Variants in TMEM74 observed in about 807,000 individuals in gnomAD.
TMEM74 encodes transmembrane protein 74.
In TMEM74, 13 loss-of-function variants were observed where a neutral mutation model predicts 18.1. The ratio of observed to expected loss-of-function variants is 0.72; its 90% confidence interval spans 0.47 to 1.14. The LOEUF (loss-of-function observed/expected upper bound fraction) is 1.14. Ranked by LOEUF, TMEM74 falls within the 50% of genes most tolerant of loss-of-function variation. The probability of loss-of-function intolerance (pLI) is 0.00; values close to 1 mark genes in which losing one functional copy is unlikely to be tolerated. For synonymous variants in TMEM74, 159 were observed against 146.6 expected (o/e 1.08, Z -0.61); for missense variants, 372 against 375.9 (o/e 0.99, Z 0.09).
At chr8:108,650,820 C>T (rs936062260) in intron 2 of TMEM74, among the ~76,000 whole-genome samples, 1 of 152,152 alleles carries the variant, frequency 6.6e-6, no homozygotes, top group Admixed American at 6.5e-5. Context: ...AAGAGATTCT[C>T]CTGCCTCAGC....
intron 2 of TMEM74, among the ~76,000 whole-genome samples, chr8:108,632,010 C>A (rs1040371354): frequency 6.6e-5 from 10 of 151,982 alleles, no homozygotes; most frequent in Admixed American, 4.6e-4. Flanking sequence ...TTTGTTCCTA[C>A]CCTCATGGGA....
chr8:108,733,909 G>A (rs369647655), intron 1 of TMEM74, among the ~76,000 whole-genome samples: 3 of 152,260 alleles, frequency 2.0e-5, no homozygotes, highest in Admixed American at 1.3e-4. Flanking sequence ...AAGCATCATC[G>A]CATTTGTTCA....
intron 1 of TMEM74, among the ~76,000 whole-genome samples, chr8:108,707,069 G>A (rs28420951): frequency 0.02 from 3,054 of 151,020 alleles, 106 homozygotes; most frequent in African/African-American, 0.069. Context: ...ATCATTCTGA[G>A]CAAACAATCA....
intron 1 of TMEM74, among the ~76,000 whole-genome samples, chr8:108,729,906 A>G (rs1449097109): frequency 1.3e-5 from 2 of 152,244 alleles, no homozygotes; most frequent in Admixed American, 1.3e-4. Flanking sequence ...GTCAGTGAAC[A>G]TTAGTGGACA....
intron 2 of TMEM74, among the ~76,000 whole-genome samples, chr8:108,628,581 T>G (rs1394831504): frequency 6.6e-6 from 1 of 152,064 alleles, no homozygotes; most frequent in East Asian, 1.9e-4. Context: ...TAAATAGTGC[T>G]GCAATAAACA....
chr8:108,725,877 G>A (rs1440220630), intron 1 of TMEM74, among the ~76,000 whole-genome samples: 1 of 152,156 alleles, frequency 6.6e-6, no homozygotes, highest in Non-Finnish European at 1.5e-5. Flanking sequence ...TTACTCAAAG[G>A]ATAATGTAAC....
At chr8:108,665,912 C>T (rs1812944730) in intron 1 of TMEM74, among the ~76,000 whole-genome samples, 1 of 152,080 alleles carries the variant, frequency 6.6e-6, no homozygotes, top group Non-Finnish European at 1.5e-5. Flanking sequence ...ATATGAAAGA[C>T]AGGGGTAATG....
intron 1 of TMEM74, among the ~76,000 whole-genome samples, chr8:108,663,820 G>A: frequency 6.6e-6 from 1 of 152,178 alleles, no homozygotes; most frequent in East Asian, 1.9e-4. Flanking sequence ...GGAGATGGAT[G>A]CAGTTGGAAG....
At chr8:108,763,254 T>C (rs1461406833) in intron 1 of TMEM74, among the ~76,000 whole-genome samples, 2 of 151,904 alleles carry the variant, frequency 1.3e-5, no homozygotes, top group East Asian at 3.9e-4. Flanking sequence ...ATAAAGTAGA[T>C]GTTGTGAGTC....
intron 2 of TMEM74, among the ~76,000 whole-genome samples, chr8:108,624,221 A>T (rs1311977359): frequency 1.3e-5 from 2 of 152,074 alleles, no homozygotes; most frequent in Non-Finnish European, 2.9e-5. Context: ...GAACAACATC[A>T]TAATCTATTC....
At chr8:108,647,276 G>A (rs1383678009) in intron 2 of TMEM74, among the ~76,000 whole-genome samples, 2 of 152,098 alleles carry the variant, frequency 1.3e-5, no homozygotes, top group Non-Finnish European at 2.9e-5. Flanking sequence ...AGTTATCCCT[G>A]AGCTCCTAAT....
At chr8:108,787,308 T>C (rs572844022) in intron 1 of TMEM74, among the ~76,000 whole-genome samples, 168 bp downstream of exon 1, 14 of 152,094 alleles carry the variant, frequency 9.2e-5, no homozygotes, top group East Asian at 1.9e-4. Flanking sequence ...CGGCTATCCA[T>C]TTCTGGTGAA....
At position 108,780,699 on chromosome 8, in the gene TMEM74, A is replaced by C. The variant is rs149384655; in HGVS notation, c.*3482T>G. On this transcript the variant is annotated 3_prime_UTR_variant, in exon 2 of 2. Coordinates refer to ENST00000297459, the MANE Select transcript of TMEM74 (RefSeq NM_153015.3). ...ATATCAAGGCAAGTAACTTGATAGA[A>C]CAGAATCAAGGGTTATAGCAGTCAT... Among the ~76,000 whole-genome samples, 66 of 152,328 alleles carry C rather than the reference A, an allele frequency of 4.3e-4. No individual in the cohort carries two copies. Among genetic ancestry groups the C allele is most frequent in the Non-Finnish European group, 6.2e-4 (42 of 68,026 alleles).
chr8:108,696,261 G>A (rs181405817), intron 1 of TMEM74, among the ~76,000 whole-genome samples: 1 of 152,262 alleles, frequency 6.6e-6, no homozygotes, highest in African/African-American at 2.4e-5. Flanking sequence ...AGTTTTATAT[G>A]AATTATTTTC....
intron 1 of TMEM74, among the ~76,000 whole-genome samples, chr8:108,730,821 C>CG (rs1360237903): frequency 6.6e-6 from 1 of 151,880 alleles, no homozygotes; most frequent in African/African-American, 2.4e-5. Context: ...TTAGTAGAGA[C>CG]GGGGTTTCAC....
intron 1 of TMEM74, among the ~76,000 whole-genome samples, chr8:108,773,700 G>A (rs1309503081): frequency 6.6e-6 from 1 of 152,150 alleles, no homozygotes; most frequent in Non-Finnish European, 1.5e-5. Context: ...AACTCAAGAA[G>A]CTCTATGGAG....
At chr8:108,766,590 T>C (rs574408299) in intron 1 of TMEM74, among the ~76,000 whole-genome samples, 13 of 152,254 alleles carry the variant, frequency 8.5e-5, no homozygotes, top group African/African-American at 2.6e-4. Flanking sequence ...TCTTCTCCCA[T>C]AGGTCTTTGC....
chr8:108,785,722 T>C (rs1255245495), intron 1 of TMEM74, among the ~76,000 whole-genome samples: 1 of 152,182 alleles, frequency 6.6e-6, no homozygotes, highest in Admixed American at 6.5e-5. Flanking sequence ...AGCTCTGAAG[T>C]AGATGAAAAA....
chr8:108,728,788 C>T (rs1813665513), intron 1 of TMEM74, among the ~76,000 whole-genome samples: 1 of 152,198 alleles, frequency 6.6e-6, no homozygotes, highest in African/African-American at 2.4e-5. Context: ...GGCCATTCTT[C>T]AGTCTCTTAT....
Sources: gnomAD v4.1 joint callset for allele counts (sites outside exome capture counted in the v4.1 genomes callset) on GRCh38, gnomAD v4.1.1 for gene constraint, MANE v1.5 for transcripts, NCBI Gene and HGNC (gene_info 2026-07-23, HGNC 2026-07-21) for gene names.